The following SREBF2 variants were observed in gnomAD, a reference collection of about 807,000 sequenced individuals.
SREBF2 encodes sterol regulatory element binding transcription factor 2, also known as sterol regulatory element-binding protein 2.
SREBF2 carries 55 observed loss-of-function variants against 113.1 expected under a neutral mutation model. That is an observed-to-expected ratio of 0.49 (90% CI 0.39 to 0.61). The LOEUF is 0.61. Among genes scored for constraint, SREBF2 ranks in the 20% least tolerant of loss-of-function variants. The pLI, the probability that SREBF2 is intolerant of heterozygous loss-of-function variation, is 0.00. For missense variants in SREBF2, 1,349 were observed against 1,487.4 expected, an observed-to-expected ratio of 0.91 and a Z score of 1.53; for synonymous variants, 593 against 605.7, an observed-to-expected ratio of 0.98 and a Z score of 0.31.
chr22:41,875,637 C>T lies in SREBF2; in HGVS notation c.1299C>T (p.Pro433=), dbSNP rs202158466. 2.1e-4 allele frequency: 343 copies of T among 1,614,178 alleles called. 1 individual carries two copies. The highest frequency in any genetic ancestry group is 4.5e-4 in the Admixed American group (27 of 60,022). ...DFNQNVLLMS[P]PASDSGSQAG... Reference sequence around the variant, plus strand: ...ATCAGAATGTCCTTCTGATGTCCCCCCCAGCCTCTGACTCAGGGTCCCAGG... The same window carrying T: ...ATCAGAATGTCCTTCTGATGTCCCCTCCAGCCTCTGACTCAGGGTCCCAGG... Residue 433 remains proline, a synonymous_variant, in exon 7 of 19, where the codon CCC becomes CCT. Transcript: ENST00000361204.
At chr22:41,861,226 G>C (rs1180838529) in intron 1 of SREBF2, among the ~76,000 whole-genome samples, 5 of 152,218 alleles carry the variant, frequency 3.3e-5, no homozygotes, top group Non-Finnish European at 7.3e-5. Context: ...GCTCACGCCT[G>C]TAATCCCAGC....
intron 18 of SREBF2, 38 bp downstream of exon 18, chr22:41,905,012 G>C: frequency 2.0e-6 from 3 of 1,531,148 alleles, no homozygotes; most frequent in Non-Finnish European, 2.6e-6. Flanking sequence ...GCTGGGCCAG[G>C]CCCTGCGCCC....
At chr22:41,899,653 G>GCACC (rs2077447677) in intron 15 of SREBF2, 1 of 841,144 alleles carries the variant, frequency 1.2e-6, no homozygotes, top group African/African-American at 1.8e-5. Context: ...GACTAGGTAA[G>GCACC]CACCCAGCCC....
chr22:41,898,820 A>AG, intron 15 of SREBF2, 39 bp downstream of exon 15: 1 of 1,611,368 alleles, frequency 6.2e-7, no homozygotes, highest in Non-Finnish European at 8.5e-7. Flanking sequence ...GCTTCTCTCC[A>AG]GGGGAATCTT....
intron 5 of SREBF2, among the ~76,000 whole-genome samples, 200 bp downstream of exon 5, chr22:41,874,219 G>A (rs578241049): frequency 6.6e-6 from 1 of 152,230 alleles, no homozygotes; most frequent in African/African-American, 2.4e-5. Context: ...GGGTTGATAA[G>A]GCAGTGACCC....
At chr22:41,903,254 C>A in intron 17 of SREBF2, 99 bp downstream of exon 17, 1 of 1,429,042 alleles carries the variant, frequency 7.0e-7, no homozygotes, top group Non-Finnish European at 9.5e-7. Context: ...TGGAGTTGGC[C>A]CTCTGAGGTC....
rs551594536 is a variant in SREBF2 at position 41,886,916 on chromosome 22, C to G, written c.2208+1905C>G. On this transcript the variant is annotated intron_variant, in intron 11 of 18. Coordinates refer to ENST00000361204, the MANE Select transcript of SREBF2 (RefSeq NM_004599.4). ...AGGCGTGGTGGCATGTGCCTATAAT[C>G]TCAGCTACTTGGGAGGCTGAGACAG... Among the ~76,000 whole-genome samples the G allele has an allele frequency of 8.5e-5, 13 of 152,290 alleles. 1 individual carries two copies. The highest frequency in any genetic ancestry group is 7.7e-4 in the East Asian group (4 of 5,186).
chr22:41,877,149 T>C lies in SREBF2; in HGVS notation c.1387-80T>C, dbSNP rs2077203702. Reference sequence around the variant, plus strand: ...TGAATTTAAACCTCATAACCATTTCTCAATATATATATATGTATTTATAAA... The same window carrying C: ...TGAATTTAAACCTCATAACCATTTCCCAATATATATATATGTATTTATAAA... On this transcript the variant is annotated intron_variant, in intron 7 of 18. Transcript: ENST00000361204. 5.8e-6 allele frequency: 8 copies of C among 1,385,898 alleles called. No homozygotes were observed. The East Asian group carries it at 1.9e-4, about 34-fold the overall frequency. 85.9% of individuals were successfully genotyped at this position (1,385,898 alleles called of 1,614,324 possible).
At chr22:41,868,205 T>C (rs990388714) in intron 2 of SREBF2, among the ~76,000 whole-genome samples, 1 of 152,168 alleles carries the variant, frequency 6.6e-6, no homozygotes, top group Non-Finnish European at 1.5e-5. Flanking sequence ...AGTTCAAGAA[T>C]TGGGACAGGT....
chr22:41,899,738 T>C (rs911334355), intron 15 of SREBF2, among the ~76,000 whole-genome samples: 1 of 152,164 alleles, frequency 6.6e-6, no homozygotes, highest in East Asian at 1.9e-4. Context: ...GCAGGTAAGT[T>C]GTCCAAAGTC....
At chr22:41,868,993 G>A (rs1035869290) in intron 3 of SREBF2, among the ~76,000 whole-genome samples, 1 of 152,234 alleles carries the variant, frequency 6.6e-6, no homozygotes, top group African/African-American at 2.4e-5. Flanking sequence ...CTCAGGAAAG[G>A]CTGGTGCAGT....
At chr22:41,894,307 T>A (rs2077390928) in intron 12 of SREBF2, among the ~76,000 whole-genome samples, 1 of 152,182 alleles carries the variant, frequency 6.6e-6, no homozygotes, top group East Asian at 1.9e-4. Context: ...CAGTCAGCTA[T>A]CCAAGCATTG....
chr22:41,867,020 C>A lies in SREBF2; in HGVS notation c.278C>A (p.Thr93Asn). ...GACCCTTCAGTGCAACGGTCATTCA[C>A]CCAGGTCACATTACCTTCCTTCTCT... ...AVDPSVQRSF[T>N]QVTLPSFSPS... Residue 93 changes from threonine to asparagine, a missense_variant, in exon 2 of 19, where the codon ACC becomes AAC. Thr to Asn is a moderately conservative substitution (Grantham distance 65, BLOSUM62 0). Around this residue, in one of 2 missense-constraint regions of SREBF2, gnomAD observed 699 missense variants for 843.3 expected, o/e 0.83. Transcript: ENST00000361204. 2.5e-6 allele frequency: 4 copies of A among 1,614,160 alleles called. No individual in the cohort carries two copies. The highest frequency in any genetic ancestry group is 3.4e-6 in the Non-Finnish European group (4 of 1,180,042).
At chr22:41,860,888 A>T (rs558890751) in intron 1 of SREBF2, among the ~76,000 whole-genome samples, 9 of 150,032 alleles carry the variant, frequency 6.0e-5, no homozygotes, top group Admixed American at 1.3e-4. Context: ...TCAAAAAAAT[A>T]AAAAAAAAAG....
At chr22:41,877,815 A>G in intron 8 of SREBF2, 127 bp from the exon 9 acceptor site, 1 of 999,080 alleles carries the variant, frequency 1.0e-6, no homozygotes, top group Non-Finnish European at 1.6e-6. Context: ...AGATTATAGA[A>G]TTATTTGCCC....
chr22:41,872,768 G>A (rs1229025978), intron 4 of SREBF2, among the ~76,000 whole-genome samples: 1 of 151,960 alleles, frequency 6.6e-6, no homozygotes, highest in Non-Finnish European at 1.5e-5. Flanking sequence ...GTGGGTGCCT[G>A]TATTCCCAGC....
chr22:41,867,786 A>T (rs535088177), intron 2 of SREBF2, among the ~76,000 whole-genome samples: 11 of 151,910 alleles, frequency 7.2e-5, no homozygotes, highest in Non-Finnish European at 1.2e-4. Context: ...CAGCCTAGGC[A>T]ACAGAGCGAG....
chr22:41,868,267 C>T (rs2077105926), intron 2 of SREBF2, among the ~76,000 whole-genome samples: 1 of 152,072 alleles, frequency 6.6e-6, no homozygotes. Flanking sequence ...GTGCACTTGC[C>T]GTCCAGAAAG....
chr22:41,866,084 C>G (rs145867152), intron 1 of SREBF2, among the ~76,000 whole-genome samples: 51 of 152,264 alleles, frequency 3.3e-4, no homozygotes, highest in Non-Finnish European at 6.3e-4. Flanking sequence ...GTCTGCAGTG[C>G]TAGGATTAGA....
Sources: allele counts gnomAD v4.1 joint callset (sites outside exome capture counted in the v4.1 genomes callset), GRCh38; gene constraint gnomAD v4.1.1; regional missense constraint gnomAD v4.1.1; transcripts MANE v1.5; gene names NCBI Gene and HGNC (gene_info 2026-07-23, HGNC 2026-07-21).